The following ADGRV1 variants were observed in gnomAD, a reference collection of about 807,000 sequenced individuals.
The protein encoded by ADGRV1 is adhesion G protein-coupled receptor V1.
ADGRV1 carries 359 observed loss-of-function variants against 596.2 expected under a neutral mutation model. That is an observed-to-expected ratio of 0.60 (90% CI 0.55 to 0.66). ADGRV1 has a LOEUF of 0.66. ADGRV1 is among the 30% of genes least tolerant of loss of function. ADGRV1 has a pLI of 0.00. For synonymous variants in ADGRV1, 2,681 were observed against 2,679.2 expected (o/e 1.00, Z -0.02); for missense variants, 7,274 against 7,575.6 (o/e 0.96, Z 1.48).
rs917241190 is a variant in ADGRV1, at chr5:91,059,682, A to G, written c.18153-12765A>G. 4.6e-5 allele frequency among the ~76,000 whole-genome samples: 7 copies of G among 152,318 alleles called. No individual in the cohort carries two copies. In the South Asian group the frequency reaches 1.4e-3, roughly 32 times the overall value. On this transcript the variant is annotated intron_variant, in intron 85 of 89. Coordinates refer to ENST00000405460, the MANE Select transcript of ADGRV1 (RefSeq NM_032119.4). ...CCCCTCAATATTGGGAATTCCCCATAAAGTGGATAAAATTTTAGCCTGTAT... is the reference window on the plus strand; with the variant it reads ...CCCCTCAATATTGGGAATTCCCCATGAAGTGGATAAAATTTTAGCCTGTAT...
At chr5:90,714,641 G>A (rs980105064) in intron 42 of ADGRV1, among the ~76,000 whole-genome samples, 6 of 151,988 alleles carry the variant, frequency 3.9e-5, no homozygotes, top group Admixed American at 3.9e-4. Context: ...GTGAGGCAAG[G>A]ATACAACTTC....
chr5:90,645,253 C>T (rs1234825628), intron 15 of ADGRV1, among the ~76,000 whole-genome samples: 2 of 152,184 alleles, frequency 1.3e-5, no homozygotes, highest in African/African-American at 4.8e-5. Flanking sequence ...TTTCTTCTTA[C>T]AGATAGTAAA....
chr5:90,561,771 C>G (rs1460542268), intron 1 of ADGRV1, among the ~76,000 whole-genome samples: 1 of 152,136 alleles, frequency 6.6e-6, no homozygotes, highest in Non-Finnish European at 1.5e-5. Context: ...ATGATGCTTA[C>G]AAAGTGTAAT....
intron 83 of ADGRV1, among the ~76,000 whole-genome samples, chr5:90,900,092 T>C (rs1771698123): frequency 6.6e-6 from 1 of 152,224 alleles, no homozygotes; most frequent in Non-Finnish European, 1.5e-5. Context: ...AACATACTTA[T>C]TTCATTTACA....
chr5:90,649,579 C>A (rs908620221), intron 17 of ADGRV1, among the ~76,000 whole-genome samples: 4 of 152,076 alleles, frequency 2.6e-5, no homozygotes, highest in Admixed American at 2.6e-4. Context: ...ACCTCTGCCT[C>A]CTAGGTTCAA....
intron 78 of ADGRV1, among the ~76,000 whole-genome samples, chr5:90,847,345 T>C (rs1173159617): frequency 6.6e-6 from 1 of 152,190 alleles, no homozygotes; most frequent in East Asian, 1.9e-4. Context: ...CTGATTGGTG[T>C]GTTTATAAAC....
Position 90,635,102 on chromosome 5 carries a change from T to C in ADGRV1, c.1840-12T>C, listed in dbSNP as rs953590512. 3 of 1,531,594 alleles carry C rather than the reference T, an allele frequency of 2.0e-6. No individual in the cohort carries two copies. Among genetic ancestry groups the C allele is most frequent in the Non-Finnish European group, 2.7e-6 (3 of 1,112,924 alleles). 94.9% of individuals were successfully genotyped at this position (1,531,594 alleles called of 1,614,324 possible). A position where few individuals can be genotyped will look rare whatever the true frequency, so the allele number is the denominator to read the frequency against. On this transcript the variant is annotated splice_polypyrimidine_tract_variant and intron_variant, in intron 9 of 89. Transcript: ENST00000405460. ...CAATTCTTACTACTTTTTGTGTATT[T>C]GTTTATTATAGTTGGAAACTGTGGA...
chr5:90,919,583 TA>T (rs1474865315), intron 83 of ADGRV1, among the ~76,000 whole-genome samples: 2 of 152,250 alleles, frequency 1.3e-5, no homozygotes, highest in Non-Finnish European at 2.9e-5. Flanking sequence ...CTATAATTAT[TA>T]AATGTATTTG....
intron 61 of ADGRV1, among the ~76,000 whole-genome samples, chr5:90,777,407 A>T (rs909804650): frequency 3.3e-5 from 5 of 152,132 alleles, no homozygotes; most frequent in Admixed American, 2.6e-4. Context: ...GTATGATCAT[A>T]GGCAAGTTTG....
At chr5:90,671,074 G>T in intron 21 of ADGRV1, among the ~76,000 whole-genome samples, 1 of 152,176 alleles carries the variant, frequency 6.6e-6, no homozygotes, top group Non-Finnish European at 1.5e-5. Context: ...TTAATGGCCT[G>T]TTGAAGACCC....
chr5:91,028,904 G>T (rs1279733772), intron 85 of ADGRV1, among the ~76,000 whole-genome samples: 1 of 151,606 alleles, frequency 6.6e-6, no homozygotes. Flanking sequence ...ATGTGGCTAA[G>T]TTTTTTTTAT....
At chr5:91,151,139 A>G (rs1796020712) in intron 88 of ADGRV1, among the ~76,000 whole-genome samples, 1 of 152,236 alleles carries the variant, frequency 6.6e-6, no homozygotes, top group Admixed American at 6.5e-5. Context: ...ATATTAATAG[A>G]TGGATGGAGA....
chr5:91,026,177 T>G lies in ADGRV1; in HGVS notation c.18152+40655T>G, dbSNP rs1184219764. On this transcript the variant is annotated intron_variant, in intron 85 of 89. Coordinates refer to ENST00000405460, the MANE Select transcript of ADGRV1 (RefSeq NM_032119.4). ...GTCAGTGCTTTGAACCATTAGGCCA[T>G]GGTTCTGTTAAGCTTTATGAAACTT... is the stretch of plus-strand genomic sequence containing the variant. Among the ~76,000 whole-genome samples the G allele has an allele frequency of 3.3e-5, 5 of 152,136 alleles. No homozygotes were observed. The East Asian group carries it at 9.7e-4, about 29-fold the overall frequency.
chr5:90,561,279 A>C (rs1270317523), intron 1 of ADGRV1, among the ~76,000 whole-genome samples: 1 of 152,168 alleles, frequency 6.6e-6, no homozygotes, highest in East Asian at 1.9e-4. Context: ...ATCTTGAAGC[A>C]CTGGAAGGAG....
chr5:90,935,139 A>T (rs1581566975), intron 83 of ADGRV1, among the ~76,000 whole-genome samples: 1 of 152,216 alleles, frequency 6.6e-6, no homozygotes, highest in Non-Finnish European at 1.5e-5. Context: ...GTTATAATGG[A>T]GAACAGTAAA....
chr5:90,660,249 A>G (rs952216989), intron 21 of ADGRV1, among the ~76,000 whole-genome samples: 1 of 152,192 alleles, frequency 6.6e-6, no homozygotes, highest in African/African-American at 2.4e-5. Context: ...CTGTCTTAAA[A>G]TGAGTTATCA....
chr5:90,732,606 C>T (rs188842903), intron 50 of ADGRV1, among the ~76,000 whole-genome samples: 2 of 152,256 alleles, frequency 1.3e-5, no homozygotes, highest in Admixed American at 6.5e-5. Flanking sequence ...TCAAAATCCC[C>T]CATTTCTCTC....
At chr5:91,151,023 C>T (rs1483720500) in intron 88 of ADGRV1, among the ~76,000 whole-genome samples, 1 of 152,146 alleles carries the variant, frequency 6.6e-6, no homozygotes, top group Non-Finnish European at 1.5e-5. Flanking sequence ...TTTATAAGCT[C>T]ATATTGCCCT....
chr5:90,618,846 A>G (rs1763692021), intron 3 of ADGRV1, among the ~76,000 whole-genome samples: 2 of 151,882 alleles, frequency 1.3e-5, no homozygotes, highest in African/African-American at 4.8e-5. Flanking sequence ...TAATTATACT[A>G]TCATATATTA....
Sources: gnomAD v4.1 joint callset for allele counts (sites outside exome capture counted in the v4.1 genomes callset) on GRCh38, gnomAD v4.1.1 for gene constraint, MANE v1.5 for transcripts, NCBI Gene and HGNC (gene_info 2026-07-23, HGNC 2026-07-21) for gene names.